BNC2: variants seen among roughly 807,000 people sequenced by gnomAD.
The protein encoded by BNC2 is basonuclin zinc finger protein 2.
A neutral mutation model predicts 76.3 loss-of-function variants in BNC2; 20 were observed. That is an observed-to-expected ratio of 0.26 (90% CI 0.18 to 0.38). The LOEUF (loss-of-function observed/expected upper bound fraction) is 0.38. Among genes scored for constraint, BNC2 ranks in the 10% least tolerant of loss-of-function variants. The pLI, the probability that BNC2 is intolerant of heterozygous loss-of-function variation, is 1.00. For missense variants in BNC2, 1,382 were observed against 1,399.8 expected, an observed-to-expected ratio of 0.99 and a Z score of 0.20; for synonymous variants, 582 against 514.8, an observed-to-expected ratio of 1.13 and a Z score of -1.77.
chr9:16,636,725 C>T (rs910526855), intron 3 of BNC2, among the ~76,000 whole-genome samples: 1 of 152,130 alleles, frequency 6.6e-6, no homozygotes, highest in East Asian at 1.9e-4. Flanking sequence ...AAGTGGAGAA[C>T]TTCCAGGTTA....
At chr9:16,824,778 T>A (rs1818413947) in intron 1 of BNC2, among the ~76,000 whole-genome samples, 1 of 152,096 alleles carries the variant, frequency 6.6e-6, no homozygotes, top group Admixed American at 6.5e-5. Context: ...GAAGCCAAAC[T>A]TGTCTATAAA....
intron 1 of BNC2, among the ~76,000 whole-genome samples, chr9:16,759,551 C>T (rs1825491607): frequency 6.6e-6 from 1 of 151,936 alleles, no homozygotes; most frequent in Non-Finnish European, 1.5e-5. Context: ...AAAAGGAATA[C>T]TAAACATAGC....
At chr9:16,603,299 G>C (rs1820293893) in intron 3 of BNC2, among the ~76,000 whole-genome samples, 1 of 152,158 alleles carries the variant, frequency 6.6e-6, no homozygotes, top group African/African-American at 2.4e-5. Flanking sequence ...CTTCTACACA[G>C]TGTCAGGTAG....
In BNC2 at chr9:16,436,295, G is replaced by C. The variant is rs777628630; in HGVS notation, c.1899C>G (p.Pro633=). Residue 633 remains proline (P), a synonymous_variant, in exon 6 of 7, where the codon CCC becomes CCG. Coordinates refer to ENST00000380672, the MANE Select transcript of BNC2 (RefSeq NM_017637.6). ...TCTTCACAGGCATGCTTGACTTCCT[G>C]GGCTTTTTCTTGGGTGCCAGGTCAG... ...PSADLAPKKK[P]RKSSMPVKIE... 6.8e-6 allele frequency: 11 copies of C among 1,614,012 alleles called. No homozygotes were observed. Among genetic ancestry groups the C allele is most frequent in the African/African-American group, 6.7e-5 (5 of 74,900 alleles).
intron 6 of BNC2, among the ~76,000 whole-genome samples, chr9:16,432,065 A>G (rs61159596): frequency 0.071 from 10,796 of 152,296 alleles, 396 homozygotes; most frequent in Middle Eastern, 0.13. Flanking sequence ...TTTCACTTCT[A>G]TCACTCAGAA....
chr9:16,463,253 A>G lies in BNC2; in HGVS notation c.670-25729T>C, dbSNP rs1482862848. On this transcript the variant is annotated intron_variant, in intron 5 of 6. Coordinates refer to ENST00000380672, the MANE Select transcript of BNC2 (RefSeq NM_017637.6). ...TTTTGGAAAGTTAACAAAAATGACT[A>G]TGCTGAAAATTTGCCACTGTGAGCA... is the stretch of plus-strand genomic sequence containing the variant. 2.7e-5 allele frequency among the ~76,000 whole-genome samples: 4 copies of G among 149,894 alleles called. No individual in the cohort carries two copies. In the East Asian group the frequency reaches 5.9e-4, roughly 22 times the overall value.
At chr9:16,757,872 G>C (rs1327989585) in intron 1 of BNC2, among the ~76,000 whole-genome samples, 3 of 152,118 alleles carry the variant, frequency 2.0e-5, no homozygotes, top group Non-Finnish European at 4.4e-5. Context: ...ACAGTATTTA[G>C]AGAGTTTGGT....
intron 4 of BNC2, among the ~76,000 whole-genome samples, chr9:16,569,882 A>G (rs542406514): frequency 1.3e-5 from 2 of 152,348 alleles, no homozygotes; most frequent in Admixed American, 1.3e-4. Flanking sequence ...TGCCTCAGCC[A>G]GCTTAAAGTT....
At chr9:16,851,186 A>T (rs982398954) in intron 1 of BNC2, among the ~76,000 whole-genome samples, 10 of 152,210 alleles carry the variant, frequency 6.6e-5, no homozygotes, top group African/African-American at 2.2e-4. Context: ...AATGTTATAA[A>T]ATCTCATTTC....
At chr9:16,620,548 T>C (rs1261642838) in intron 3 of BNC2, among the ~76,000 whole-genome samples, 1 of 152,136 alleles carries the variant, frequency 6.6e-6, no homozygotes, top group African/African-American at 2.4e-5. Context: ...TACTGAAACT[T>C]CTACATACAG....
intron 1 of BNC2, among the ~76,000 whole-genome samples, chr9:16,808,791 A>C (rs552663772): frequency 2.0e-5 from 3 of 152,056 alleles, no homozygotes; most frequent in Non-Finnish European, 4.4e-5. Flanking sequence ...TAGCAAAATA[A>C]ACACTGTAAG....
chr9:16,799,226 C>A (rs1480825776), intron 1 of BNC2, among the ~76,000 whole-genome samples: 1 of 152,082 alleles, frequency 6.6e-6, no homozygotes, highest in South Asian at 2.1e-4. Context: ...GAGGCAACAA[C>A]TGATAATATT....
intron 1 of BNC2, among the ~76,000 whole-genome samples, chr9:16,754,394 C>A (rs1460128087): frequency 2.0e-5 from 3 of 152,148 alleles, no homozygotes; most frequent in Admixed American, 1.3e-4. Context: ...GTTGCCCCAA[C>A]CCAACAAACT....
chr9:16,427,354 A>T (rs1820821820), intron 6 of BNC2, among the ~76,000 whole-genome samples: 1 of 152,218 alleles, frequency 6.6e-6, no homozygotes, highest in Non-Finnish European at 1.5e-5. Flanking sequence ...GGCACTAATA[A>T]TGTGGATGAT....
At chr9:16,440,760 G>A (rs191866854) in intron 5 of BNC2, among the ~76,000 whole-genome samples, 9 of 152,188 alleles carry the variant, frequency 5.9e-5, no homozygotes, top group East Asian at 1.9e-4. Context: ...GTCTTCTAGC[G>A]CTTAGTTGCT....
chr9:16,548,437 G>A (rs959995658), intron 5 of BNC2, among the ~76,000 whole-genome samples: 4 of 148,564 alleles, frequency 2.7e-5, no homozygotes, highest in Admixed American at 1.3e-4. Flanking sequence ...ATGGAGTCTC[G>A]CTGCAATGCC....
At chr9:16,432,590 T>C (rs1209798494) in intron 6 of BNC2, among the ~76,000 whole-genome samples, 2 of 152,218 alleles carry the variant, frequency 1.3e-5, no homozygotes, top group Non-Finnish European at 1.5e-5. Context: ...GGCAATTCTG[T>C]TAGCTTTATG....
intron 3 of BNC2, among the ~76,000 whole-genome samples, chr9:16,646,717 A>C (rs1821637847): frequency 6.6e-6 from 1 of 152,190 alleles, no homozygotes; most frequent in Non-Finnish European, 1.5e-5. Context: ...TACACTTAAA[A>C]TGGGTCTATT....
intron 5 of BNC2, among the ~76,000 whole-genome samples, chr9:16,437,969 GA>G (rs2130872728): frequency 6.6e-6 from 1 of 152,290 alleles, no homozygotes; most frequent in East Asian, 1.9e-4. Flanking sequence ...TACTTCTTGT[GA>G]AATTTACTTC....
Sources: gnomAD v4.1 joint callset for allele counts (sites outside exome capture counted in the v4.1 genomes callset) on GRCh38, gnomAD v4.1.1 for gene constraint, MANE v1.5 for transcripts, NCBI Gene and HGNC (gene_info 2026-07-23, HGNC 2026-07-21) for gene names.